Variants in TP63 observed in about 807,000 individuals in gnomAD.
TP63 encodes tumor protein p63, also known as tumor protein 63.
A neutral mutation model predicts 82.8 loss-of-function variants in TP63; 17 were observed. The ratio of observed to expected loss-of-function variants is 0.21; its 90% CI spans 0.14 to 0.31. TP63 has a LOEUF of 0.31. Ranked by LOEUF, TP63 falls within the 10% of genes least tolerant of loss-of-function variation. TP63 has a pLI of 1.00. For missense variants in TP63, 648 were observed against 895.3 expected (o/e 0.72, Z 3.52); for synonymous variants, 330 against 321.7 (o/e 1.03, Z -0.28).
intron 3 of TP63, among the ~76,000 whole-genome samples, chr3:189,747,760 TA>T (rs1236450723): frequency 5.5e-4 from 83 of 151,676 alleles, no homozygotes; most frequent in Non-Finnish European, 6.2e-4. Flanking sequence ...AAATATAGAC[TA>T]AAAAAATTGG....
chr3:189,826,318 G>A (rs149704429), intron 4 of TP63, among the ~76,000 whole-genome samples: 2 of 152,176 alleles, frequency 1.3e-5, no homozygotes, highest in Non-Finnish European at 2.9e-5. Flanking sequence ...AAAAGGCATT[G>A]ATTAGTCCAC....
At chr3:189,790,000 C>G (rs1007608547) in intron 3 of TP63, among the ~76,000 whole-genome samples, 8 of 149,380 alleles carry the variant, frequency 5.4e-5, no homozygotes, top group South Asian at 4.3e-4. Flanking sequence ...TCTGTGGTGG[C>G]TGTAAGATTT....
intron 1 of TP63, among the ~76,000 whole-genome samples, chr3:189,708,092 G>T (rs1227164988): frequency 6.6e-6 from 1 of 151,956 alleles, no homozygotes; most frequent in Non-Finnish European, 1.5e-5. Flanking sequence ...TCTTAAGCTG[G>T]CTGTAGCCCA....
At chr3:189,597,393 A>T in the TP63 span, among the ~76,000 whole-genome samples, 1 of 145,416 alleles carries the variant, frequency 6.9e-6, no homozygotes. Context: ...CCAGTACCTG[A>T]CAGGTTTAAA....
chr3:189,694,061 A>G (rs1368887485), intron 1 of TP63, among the ~76,000 whole-genome samples: 1 of 152,226 alleles, frequency 6.6e-6, no homozygotes, highest in Admixed American at 6.5e-5. Flanking sequence ...ATAATAAAGT[A>G]TGTTGGTGTT....
At chr3:189,731,158 A>G (rs920533120) in intron 1 of TP63, among the ~76,000 whole-genome samples, 1 of 152,168 alleles carries the variant, frequency 6.6e-6, no homozygotes, top group Non-Finnish European at 1.5e-5. Flanking sequence ...AGCCTGGCCA[A>G]CATGGTGAAA....
intron 1 of TP63, among the ~76,000 whole-genome samples, chr3:189,649,039 A>G (rs1712658740): frequency 1.4e-5 from 2 of 147,188 alleles, no homozygotes; most frequent in African/African-American, 5.1e-5. Context: ...AGCACCATCT[A>G]TGGGCTAAGC....
intron 3 of TP63, among the ~76,000 whole-genome samples, chr3:189,798,837 CAT>C (rs1725990520): frequency 6.6e-6 from 1 of 152,044 alleles, no homozygotes; most frequent in African/African-American, 2.4e-5. Flanking sequence ...AAAAGTAAGG[CAT>C]GTCTTCTGCA....
intron 1 of TP63, among the ~76,000 whole-genome samples, chr3:189,706,505 C>T (rs1042644484): frequency 6.6e-5 from 10 of 152,256 alleles, no homozygotes; most frequent in East Asian, 1.9e-4. Flanking sequence ...CCGCTGGCCT[C>T]GGCCTCCCAG....
chr3:189,640,344 ACT>A (rs1560077483), intron 1 of TP63, among the ~76,000 whole-genome samples: 1 of 152,146 alleles, frequency 6.6e-6, no homozygotes, highest in Non-Finnish European at 1.5e-5. Flanking sequence ...CTTAATTGAT[ACT>A]GTCTAATATG....
intron 10 of TP63, among the ~76,000 whole-genome samples, chr3:189,883,873 A>G (rs961054456): frequency 6.6e-6 from 1 of 152,128 alleles, no homozygotes. Context: ...AATAATAACC[A>G]TAAGCTAAAG....
chr3:189,840,765 G>A (rs1286733492), intron 4 of TP63, among the ~76,000 whole-genome samples: 1 of 149,420 alleles, frequency 6.7e-6, no homozygotes, highest in Non-Finnish European at 1.5e-5. Context: ...GCCTGAGGCA[G>A]AGAATTGCTT....
intron 4 of TP63, among the ~76,000 whole-genome samples, chr3:189,814,140 C>T (rs913949025): frequency 3.3e-5 from 5 of 152,212 alleles, no homozygotes; most frequent in Non-Finnish European, 5.9e-5. Context: ...GCCCACCCTC[C>T]CTGTCATCAG....
At chr3:189,831,818 C>CT (rs1156431272) in intron 4 of TP63, among the ~76,000 whole-genome samples, 930 of 73,206 alleles carry the variant, frequency 0.013, 210 homozygotes, top group African/African-American at 0.022. Flanking sequence ...CTATTATGCT[C>CT]TTTTTTTTTT....
At chr3:189,715,314 A>G (rs1718880955) in intron 1 of TP63, among the ~76,000 whole-genome samples, 1 of 152,180 alleles carries the variant, frequency 6.6e-6, no homozygotes, top group Non-Finnish European at 1.5e-5. Flanking sequence ...GAGAAGGCTG[A>G]TTATAGCATT....
chr3:189,738,834 C>G, intron 3 of TP63, 60 bp downstream of exon 3: 4 of 1,597,900 alleles, frequency 2.5e-6, no homozygotes, highest in Non-Finnish European at 8.5e-7. Flanking sequence ...CTCTGTTAAA[C>G]CTGTCTTTTC....
At chr3:189,690,223 T>C (rs115119830) in intron 1 of TP63, among the ~76,000 whole-genome samples, 39 of 152,286 alleles carry the variant, frequency 2.6e-4, no homozygotes, top group African/African-American at 9.1e-4. Flanking sequence ...CATCTACAAA[T>C]GAAGAACCCA....
At chr3:189,824,765 A>G (rs1230648997) in intron 4 of TP63, among the ~76,000 whole-genome samples, 1 of 151,986 alleles carries the variant, frequency 6.6e-6, no homozygotes, top group Admixed American at 6.6e-5. Flanking sequence ...TCACGACTGA[A>G]TCATTGCCAT....
At chr3:189,825,731 CTTTTGT>C (rs1729280359) in intron 4 of TP63, among the ~76,000 whole-genome samples, 1 of 152,288 alleles carries the variant, frequency 6.6e-6, no homozygotes, top group Admixed American at 6.5e-5. Context: ...GAAGCCTTCT[CTTTTGT>C]TTTTAACAGC....
Sources: gnomAD v4.1 joint callset for allele counts (sites outside exome capture counted in the v4.1 genomes callset) on GRCh38, gnomAD v4.1.1 for gene constraint, MANE v1.5 for transcripts, NCBI Gene and HGNC (gene_info 2026-07-23, HGNC 2026-07-21) for gene names.